The following WASL variants were observed in gnomAD, a reference collection of about 807,000 sequenced individuals.
WASL encodes actin nucleation-promoting factor WASL.
A neutral mutation model predicts 55.5 loss-of-function variants in WASL; 20 were observed. The observed-to-expected ratio is 0.36, with a 90% CI of 0.25 to 0.52. The LOEUF (loss-of-function observed/expected upper bound fraction) is 0.52, where lower values mean the gene tolerates loss of function less well. WASL is among the 20% of genes least tolerant of loss of function. WASL has a pLI of 0.92. For synonymous variants in WASL, 249 were observed against 217.6 expected (o/e 1.14, Z -1.27); for missense variants, 504 against 622.5 (o/e 0.81, Z 2.03).
At chr7:123,706,013 ATAT>A (rs925752827) in intron 4 of WASL, among the ~76,000 whole-genome samples, 6 of 152,186 alleles carry the variant, frequency 3.9e-5, no homozygotes, top group African/African-American at 1.4e-4. Flanking sequence ...CTCAACAAAA[ATAT>A]TATTTATTTT....
At chr7:123,743,701 A>C (rs542756416) in intron 1 of WASL, among the ~76,000 whole-genome samples, 1 of 152,310 alleles carries the variant, frequency 6.6e-6, no homozygotes, top group South Asian at 2.1e-4. Flanking sequence ...AAACTCCCAG[A>C]ATACTTTGTG....
chr7:123,692,806 G>A lies in WASL; in HGVS notation c.888C>T (p.Asn296=). The part of the protein sequence containing the change: ...GPPPPPPPPH[N]SGPPPPPARG... ...TAGCAGGAGGAGGAGGAGGACCTGA[G>A]TTGTGTGGAGGGGGAGGAGGAGGAG... Residue 296 remains asparagine (N), a synonymous_variant, in exon 9 of 11, where the codon AAC becomes AAT. Coordinates refer to ENST00000223023, the MANE Select transcript of WASL (RefSeq NM_003941.4). 2 of 1,447,224 alleles carry A rather than the reference G, an allele frequency of 1.4e-6. No homozygotes were observed. The highest frequency in any genetic ancestry group is 2.4e-5 in the East Asian group (1 of 40,964). 89.6% of individuals were successfully genotyped at this position (1,447,224 alleles called of 1,614,324 possible).
At chr7:123,719,434 G>GA (rs1164663103) in intron 1 of WASL, among the ~76,000 whole-genome samples, 1 of 152,164 alleles carries the variant, frequency 6.6e-6, no homozygotes, top group Non-Finnish European at 1.5e-5. Context: ...TGGGAACTGT[G>GA]AAGTCCTAAT....
intron 1 of WASL, among the ~76,000 whole-genome samples, chr7:123,747,954 G>A (rs917310011): frequency 1.3e-5 from 2 of 152,094 alleles, no homozygotes; most frequent in East Asian, 3.9e-4. Flanking sequence ...GCTGCGGGGA[G>A]AGCAGCACCC....
chr7:123,710,526 T>G (rs1331285354), intron 1 of WASL, among the ~76,000 whole-genome samples: 3 of 152,120 alleles, frequency 2.0e-5, no homozygotes, highest in Non-Finnish European at 4.4e-5. Flanking sequence ...GCACAAATCT[T>G]TTATAATTAG....
intron 6 of WASL, 42 bp from the exon 7 acceptor site, chr7:123,695,907 T>A: frequency 6.3e-7 from 1 of 1,583,988 alleles, no homozygotes; most frequent in Non-Finnish European, 8.7e-7. Context: ...ACAAAATGCA[T>A]AAAGGGCATT....
intron 1 of WASL, among the ~76,000 whole-genome samples, chr7:123,737,465 GCATGCCTGTAGTTC>G (rs1804254802): frequency 1.3e-5 from 2 of 151,862 alleles, no homozygotes; most frequent in South Asian, 4.2e-4. Context: ...GCGTGGTGGT[GCATGCCTGTAGTTC>G]CAGCTACTCA....
intron 1 of WASL, among the ~76,000 whole-genome samples, chr7:123,741,589 G>T (rs1422815350): frequency 6.6e-6 from 1 of 152,012 alleles, no homozygotes; most frequent in Non-Finnish European, 1.5e-5. Flanking sequence ...ACCCTTATCT[G>T]CTCTTTTAAA....
rs1352495050 is a variant in WASL, at chr7:123,684,033, A to G, written c.*486T>C. On this transcript the variant is annotated 3_prime_UTR_variant, in exon 11 of 11. Coordinates refer to ENST00000223023, the MANE Select transcript of WASL (RefSeq NM_003941.4). ...TGTCTACAGAACTGTGCAATGTATC[A>G]GCTTCAACATTCATATGTAGCATTG... The G allele has an allele frequency of 6.6e-6, 1 of 152,078 alleles. No individual in the cohort carries two copies. The highest frequency in any genetic ancestry group is 2.4e-5 in the African/African-American group (1 of 41,416). 9.4% of individuals were successfully genotyped at this position (152,078 alleles called of 1,614,324 possible).
chr7:123,728,240 G>T (rs1367885267), intron 1 of WASL, among the ~76,000 whole-genome samples: 2 of 152,098 alleles, frequency 1.3e-5, no homozygotes, highest in Non-Finnish European at 2.9e-5. Context: ...GCACTTTCAA[G>T]AACTACAAAG....
At position 123,696,693 on chromosome 7, in the gene WASL, T is replaced by C; in HGVS notation, c.515A>G (p.Asn172Ser). The C allele has an allele frequency of 1.2e-6, 2 of 1,600,630 alleles. No homozygotes were observed. Among genetic ancestry groups the C allele is most frequent in the Middle Eastern group, 1.7e-4 (1 of 6,026 alleles). The change falls in exon 6 of 11, where the codon AAT (asparagine) becomes AGT (serine). Residue 172 changes from asparagine to serine, a missense_variant. Physicochemically the swap from Asn to Ser is conservative, Grantham distance 46. Around this residue, in one of 5 missense-constraint regions of WASL, gnomAD observed 230 missense variants for 271.9 expected, o/e 0.85. Transcript: ENST00000223023. ...VDIKNPEITT[N>S]RFYGPQVNNI... ...GTTGACTTGTGGACCATAAAATCTA[T>C]TTGTTGTGATTTCTGGATTTTTTAT...
intron 5 of WASL, 106 bp from the exon 6 acceptor site, chr7:123,696,853 A>C (rs1199670296): frequency 1.3e-6 from 1 of 776,102 alleles, no homozygotes; most frequent in South Asian, 5.6e-5. Context: ...TCACTTCATT[A>C]TAAATTATTT....
chr7:123,720,447 T>G, intron 1 of WASL: 1 of 415,860 alleles, frequency 2.4e-6, no homozygotes, highest in Admixed American at 3.1e-5. Flanking sequence ...TAGCATATAC[T>G]AACGTCTGTA....
intron 1 of WASL, among the ~76,000 whole-genome samples, chr7:123,737,441 C>G (rs1804253851): frequency 6.6e-6 from 1 of 151,788 alleles, no homozygotes; most frequent in African/African-American, 2.4e-5. Flanking sequence ...ACTAAAAATA[C>G]AAAAGTTAGC....
intron 1 of WASL, among the ~76,000 whole-genome samples, chr7:123,729,255 A>G (rs536110055): frequency 1.3e-5 from 2 of 152,174 alleles, no homozygotes; most frequent in Non-Finnish European, 2.9e-5. Context: ...GAAATAGTTT[A>G]CATTTTTTTT....
chr7:123,703,722 A>G (rs1803624717), intron 5 of WASL, among the ~76,000 whole-genome samples: 3 of 152,116 alleles, frequency 2.0e-5, no homozygotes, highest in Admixed American at 6.5e-5. Flanking sequence ...AGAAACCCCA[A>G]CAATCACCAA....
chr7:123,739,639 C>T (rs1357178938), intron 1 of WASL, among the ~76,000 whole-genome samples: 1 of 152,136 alleles, frequency 6.6e-6, no homozygotes, highest in Non-Finnish European at 1.5e-5. Flanking sequence ...GAAGGCTAGG[C>T]TAAGCTATAA....
chr7:123,689,028 C>A lies in WASL; in HGVS notation c.1456+14G>T. 1.3e-6 allele frequency: 2 copies of A among 1,595,748 alleles called. No individual in the cohort carries two copies. Among genetic ancestry groups the A allele is most frequent in the South Asian group, 1.1e-5 (1 of 90,710 alleles). The stretch of plus-strand genomic sequence containing the variant: ...TCTGTCTCTCTCTCTCTCTCTCTCT[C>A]TCTCTCTCTCTACCTGAAGAATGAA... On this transcript the variant is annotated intron_variant, in intron 10 of 10. Coordinates refer to ENST00000223023, the MANE Select transcript of WASL (RefSeq NM_003941.4).
intron 9 of WASL, among the ~76,000 whole-genome samples, chr7:123,689,848 T>A (rs1048195942): frequency 1.3e-5 from 2 of 151,990 alleles, no homozygotes; most frequent in East Asian, 3.9e-4. Flanking sequence ...TATGTTTTAA[T>A]ACATACATAT....
Sources: allele counts gnomAD v4.1 joint callset (sites outside exome capture counted in the v4.1 genomes callset), GRCh38; gene constraint gnomAD v4.1.1; regional missense constraint gnomAD v4.1.1; transcripts MANE v1.5; gene names NCBI Gene and HGNC (gene_info 2026-07-23, HGNC 2026-07-21).